The following TAS2R1 variants were observed in gnomAD, a reference collection of about 807,000 sequenced individuals.
TAS2R1 encodes the protein taste 2 receptor member 1.
For missense variants in TAS2R1, 370 were observed against 353.4 expected (o/e 1.05, Z -0.38); for synonymous variants, 141 against 134.2 (o/e 1.05, Z -0.35).
the TAS2R1 span, among the ~76,000 whole-genome samples, chr5:9,831,147 T>G: frequency 6.6e-6 from 1 of 152,174 alleles, no homozygotes; most frequent in Admixed American, 6.5e-5. Context: ...GAGAGTATGC[T>G]GGTGACAGGG....
chr5:9,898,932 A>G, the TAS2R1 span, among the ~76,000 whole-genome samples: 1 of 152,190 alleles, frequency 6.6e-6, no homozygotes, highest in Non-Finnish European at 1.5e-5. Context: ...TAGTGCAGAC[A>G]TTTACAGATG....
the TAS2R1 span, among the ~76,000 whole-genome samples, chr5:9,829,892 T>C: frequency 6.6e-6 from 1 of 151,882 alleles, no homozygotes; most frequent in Non-Finnish European, 1.5e-5. Context: ...AAGGGGGGAA[T>C]GAATCATGGC....
the TAS2R1 span, among the ~76,000 whole-genome samples, chr5:9,881,468 A>T: frequency 6.6e-6 from 1 of 152,228 alleles, no homozygotes; most frequent in Non-Finnish European, 1.5e-5. Context: ...ATTCCCATTA[A>T]ACAACCATTG....
upstream of TAS2R1, among the ~76,000 whole-genome samples, chr5:9,716,722 A>C (rs1210541385): frequency 1.3e-5 from 2 of 152,116 alleles, no homozygotes. Flanking sequence ...TTTGTACTGT[A>C]ATCTATGATC....
At chr5:9,877,634 T>C in the TAS2R1 span, among the ~76,000 whole-genome samples, 1 of 152,214 alleles carries the variant, frequency 6.6e-6, no homozygotes, top group Admixed American at 6.5e-5. Context: ...GCCCATGCCA[T>C]ATCAGAGTAT....
chr5:9,800,587 G>A, the TAS2R1 span, among the ~76,000 whole-genome samples: 1 of 152,148 alleles, frequency 6.6e-6, no homozygotes, highest in Admixed American at 6.5e-5. Context: ...AGATGTGTAG[G>A]CACCTCCAAG....
At chr5:9,784,625 T>A in the TAS2R1 span, among the ~76,000 whole-genome samples, 10 of 152,260 alleles carry the variant, frequency 6.6e-5, no homozygotes, top group Admixed American at 2.0e-4. Flanking sequence ...ACAAAAGAAA[T>A]GTATTGCCTC....
At chr5:9,856,402 C>A in the TAS2R1 span, among the ~76,000 whole-genome samples, 1 of 152,220 alleles carries the variant, frequency 6.6e-6, no homozygotes, top group African/African-American at 2.4e-5. Flanking sequence ...AAAAAAAGGA[C>A]AATGAACTCA....
At chr5:9,802,858 G>A in the TAS2R1 span, among the ~76,000 whole-genome samples, 7 of 152,086 alleles carry the variant, frequency 4.6e-5, no homozygotes, top group African/African-American at 9.7e-5. Flanking sequence ...AGCCGAGATC[G>A]CGCCACTGCA....
chr5:9,848,726 T>TTATA, the TAS2R1 span, among the ~76,000 whole-genome samples: 3 of 152,032 alleles, frequency 2.0e-5, no homozygotes, highest in South Asian at 2.1e-4. Context: ...TATTTGTCAA[T>TTATA]TATATATATA....
At chr5:9,663,693 T>G (rs536923705) in intron 1 of TAS2R1, among the ~76,000 whole-genome samples, 2 of 152,348 alleles carry the variant, frequency 1.3e-5, no homozygotes, top group African/African-American at 4.8e-5. Context: ...AGGAGTTGAA[T>G]GTGACACTCA....
chr5:9,715,967 C>T (rs941553938), upstream of TAS2R1, among the ~76,000 whole-genome samples: 1 of 152,196 alleles, frequency 6.6e-6, no homozygotes, highest in African/African-American at 2.4e-5. Context: ...TATGTTATTT[C>T]GGAGCCTCCA....
the TAS2R1 span, among the ~76,000 whole-genome samples, chr5:9,844,356 C>T: frequency 1.3e-5 from 2 of 152,170 alleles, no homozygotes; most frequent in African/African-American, 4.8e-5. Context: ...GCTATGCCCT[C>T]CCTTATTACT....
At chr5:9,695,066 G>C (rs1309760161) in intron 1 of TAS2R1, among the ~76,000 whole-genome samples, 1 of 152,104 alleles carries the variant, frequency 6.6e-6, no homozygotes, top group African/African-American at 2.4e-5. Flanking sequence ...GGGCGGTTAC[G>C]CACCAGTACA....
At chr5:9,679,952 C>G (rs1048075971) in intron 1 of TAS2R1, among the ~76,000 whole-genome samples, 1 of 152,124 alleles carries the variant, frequency 6.6e-6, no homozygotes, top group African/African-American at 2.4e-5. Context: ...GAAGCCAGGG[C>G]TCCCTGGAGA....
the TAS2R1 span, among the ~76,000 whole-genome samples, chr5:9,751,752 C>A: frequency 6.6e-6 from 1 of 152,182 alleles, no homozygotes; most frequent in South Asian, 2.1e-4. Context: ...AATTGTTATG[C>A]ACAAAATCTT....
At chr5:9,712,483 A>G (rs1357315800), upstream of TAS2R1, 1 of 152,230 alleles carries the variant, frequency 6.6e-6, no homozygotes, top group Non-Finnish European at 1.5e-5. Context: ...GGACTCATCT[A>G]ATCAGTTGAC....
In TAS2R1 at chr5:9,650,120, C is replaced by T. The variant is rs532294813; in HGVS notation, c.-81+9301G>A. On this transcript the variant is annotated intron_variant, in intron 2 of 2. Transcript: ENST00000506620. ...AGTGATTTCCAAAAACTTTTAGAGA[C>T]AATTCTTGCTCAAGATTTACAAATA... 1.1e-4 allele frequency among the ~76,000 whole-genome samples: 16 copies of T among 152,088 alleles called. No individual in the cohort carries two copies. In the South Asian group the frequency reaches 3.1e-3, roughly 30 times the overall value.
the TAS2R1 span, among the ~76,000 whole-genome samples, chr5:9,819,433 G>T: frequency 6.6e-6 from 1 of 152,184 alleles, no homozygotes; most frequent in Non-Finnish European, 1.5e-5. Flanking sequence ...CAATACAGTA[G>T]AATTGGGCAG....
Sources: allele counts gnomAD v4.1 joint callset (sites outside exome capture counted in the v4.1 genomes callset), GRCh38; gene constraint gnomAD v4.1.1; transcripts MANE v1.5; gene names NCBI Gene and HGNC (gene_info 2026-07-23, HGNC 2026-07-21).